ROBO1: variants seen among roughly 807,000 people sequenced by gnomAD.
The protein encoded by ROBO1 is roundabout guidance receptor 1.
ROBO1 carries 149 observed loss-of-function variants against 195.9 expected under a neutral mutation model. The observed-to-expected ratio is 0.76, with a 90% CI of 0.67 to 0.87. The LOEUF is 0.87. Ranked by LOEUF, ROBO1 falls within the 40% of genes least tolerant of loss-of-function variation. The pLI is 0.00. For missense variants in ROBO1, 1,933 were observed against 2,068.3 expected, an observed-to-expected ratio of 0.93 and a Z score of 1.27; for synonymous variants, 816 against 733.2, an observed-to-expected ratio of 1.11 and a Z score of -1.82.
chr3:79,045,302 G>A (rs1053823954), intron 3 of ROBO1, among the ~76,000 whole-genome samples: 14 of 151,758 alleles, frequency 9.2e-5, no homozygotes, highest in African/African-American at 3.1e-4. Context: ...TTTTTAGCAC[G>A]AACACCAAAT....
rs186414503 is a variant in ROBO1, at chr3:79,139,228, C to T, written c.89-13689G>A. 4.8e-3 allele frequency among the ~76,000 whole-genome samples: 733 copies of T among 151,900 alleles called. 2 individuals are homozygous for T. Among genetic ancestry groups the T allele is most frequent in the Admixed American group, 7.8e-3 (119 of 15,230 alleles). ...TATTGCAATATTAGGAAGGTAAATT[C>T]GTTAATGGATAAGCCTGTGACCCAG... On this transcript the variant is annotated intron_variant, in intron 2 of 30. Transcript: ENST00000464233.
chr3:79,675,170 C>T (rs544361973), intron 1 of ROBO1, among the ~76,000 whole-genome samples: 4 of 151,946 alleles, frequency 2.6e-5, no homozygotes, highest in Non-Finnish European at 5.9e-5. Flanking sequence ...TAGAATATTA[C>T]AGTCGGTGTG....
intron 4 of ROBO1, among the ~76,000 whole-genome samples, chr3:78,816,037 A>T (rs1414732408): frequency 6.6e-6 from 1 of 152,180 alleles, no homozygotes; most frequent in Non-Finnish European, 1.5e-5. Context: ...ATTCTATTTT[A>T]AAAAGTTGCC....
In ROBO1 at chr3:78,668,597, A is replaced by G. The variant is rs766564945; in HGVS notation, c.1549-32T>C. On this transcript the variant is annotated intron_variant, in intron 11 of 30. Coordinates refer to ENST00000464233, the MANE Select transcript of ROBO1 (RefSeq NM_002941.4). ...AGGCAGACAAAAAATAAATATTTGG[A>G]AAAATCAAGAACTCACTGGGCTGGA... The G allele has an allele frequency of 2.5e-6, 4 of 1,603,740 alleles. No individual in the cohort carries two copies. In the South Asian group the frequency reaches 4.4e-5, roughly 18 times the overall value.
chr3:79,329,931 G>C (rs1026110845), intron 2 of ROBO1, among the ~76,000 whole-genome samples: 1 of 152,002 alleles, frequency 6.6e-6, no homozygotes, highest in Non-Finnish European at 1.5e-5. Context: ...TCAGATCACT[G>C]TTCTCTGGAC....
chr3:78,899,361 T>C (rs1290378259), intron 4 of ROBO1, among the ~76,000 whole-genome samples: 2 of 152,232 alleles, frequency 1.3e-5, no homozygotes, highest in Non-Finnish European at 1.5e-5. Flanking sequence ...AGGCAATTAA[T>C]AGAAGTGACT....
At chr3:79,479,493 G>A (rs760192579) in intron 2 of ROBO1, among the ~76,000 whole-genome samples, 3 of 152,116 alleles carry the variant, frequency 2.0e-5, no homozygotes, top group Non-Finnish European at 2.9e-5. Flanking sequence ...CCACGGACCT[G>A]TACTGGTCCA....
rs1293550518 is a variant in ROBO1 at position 79,545,969 on chromosome 3, C to A, written c.88+43855G>T. 2.0e-5 allele frequency among the ~76,000 whole-genome samples: 3 copies of A among 152,006 alleles called. No individual in the cohort carries two copies. The East Asian group carries it at 5.8e-4, about 29-fold the overall frequency. ...TTCACAGAGTTTCTTCCACCTTTGC[C>A]ATCCTTGAGAGAGCAAGACCAACAC... is the stretch of plus-strand genomic sequence containing the variant. On this transcript the variant is annotated intron_variant, in intron 2 of 30. Coordinates refer to ENST00000464233, the MANE Select transcript of ROBO1 (RefSeq NM_002941.4).
chr3:78,766,132 A>G (rs928739159), intron 4 of ROBO1, among the ~76,000 whole-genome samples: 3 of 152,128 alleles, frequency 2.0e-5, no homozygotes, highest in African/African-American at 7.2e-5. Context: ...GCCTGAATAA[A>G]TTTTCCTAAC....
chr3:78,699,052 A>T (rs567361976), intron 8 of ROBO1, among the ~76,000 whole-genome samples: 69 of 152,206 alleles, frequency 4.5e-4, no homozygotes, highest in Admixed American at 9.2e-4. Flanking sequence ...AGAAACCTAC[A>T]TCTTTCCTGT....
intron 2 of ROBO1, among the ~76,000 whole-genome samples, chr3:79,260,852 C>G (rs982102052): frequency 6.6e-6 from 1 of 152,048 alleles, no homozygotes; most frequent in African/African-American, 2.4e-5. Context: ...TTCCATATAA[C>G]AAGTTAATTT....
chr3:79,710,460 G>C (rs927941330), intron 1 of ROBO1, among the ~76,000 whole-genome samples: 1 of 152,060 alleles, frequency 6.6e-6, no homozygotes, highest in African/African-American at 2.4e-5. Context: ...AACTATATTC[G>C]CAGCAAAATC....
At chr3:79,562,578 A>C (rs1186450558) in intron 2 of ROBO1, among the ~76,000 whole-genome samples, 1 of 152,080 alleles carries the variant, frequency 6.6e-6, no homozygotes, top group East Asian at 1.9e-4. Flanking sequence ...AATGAATTGA[A>C]GACTAGAGAA....
intron 2 of ROBO1, among the ~76,000 whole-genome samples, chr3:79,169,670 C>T (rs557712543): frequency 6.6e-5 from 10 of 152,124 alleles, no homozygotes; most frequent in East Asian, 1.9e-4. Context: ...AAGTACTTAA[C>T]GATAAAATAA....
chr3:79,271,968 G>GTGATAC (rs1360287352), intron 2 of ROBO1, among the ~76,000 whole-genome samples: 6 of 152,016 alleles, frequency 3.9e-5, no homozygotes, highest in African/African-American at 1.4e-4. Flanking sequence ...TATCTAATAT[G>GTGATAC]TGATACTGAC....
chr3:79,750,385 A>G (rs1476246656), intron 1 of ROBO1, among the ~76,000 whole-genome samples: 1 of 152,198 alleles, frequency 6.6e-6, no homozygotes, highest in Non-Finnish European at 1.5e-5. Context: ...TAATGCTAAA[A>G]TGAGTTAAAG....
chr3:78,775,231 A>G (rs2083474755), intron 4 of ROBO1, among the ~76,000 whole-genome samples: 1 of 152,184 alleles, frequency 6.6e-6, no homozygotes, highest in African/African-American at 2.4e-5. Flanking sequence ...TACCTAGATG[A>G]ACACAAACCT....
intron 2 of ROBO1, among the ~76,000 whole-genome samples, chr3:79,470,087 G>A (rs1001885288): frequency 1.3e-5 from 2 of 152,078 alleles, no homozygotes; most frequent in African/African-American, 4.8e-5. Flanking sequence ...ACTAAATCGT[G>A]CTGCTATAAA....
chr3:79,198,186 C>A (rs186698792), intron 2 of ROBO1, among the ~76,000 whole-genome samples: 44 of 152,156 alleles, frequency 2.9e-4, no homozygotes, highest in Non-Finnish European at 6.0e-4. Context: ...ACATTAAAGT[C>A]TTTAATTCTT....
Sources: gnomAD v4.1 joint callset for allele counts (sites outside exome capture counted in the v4.1 genomes callset) on GRCh38, gnomAD v4.1.1 for gene constraint, MANE v1.5 for transcripts, NCBI Gene and HGNC (gene_info 2026-07-23, HGNC 2026-07-21) for gene names.